MTMR7: variants seen among roughly 807,000 people sequenced by gnomAD.
MTMR7 encodes the protein phosphatidylinositol-3-phosphate phosphatase MTMR7.
A neutral mutation model predicts 81.2 loss-of-function variants in MTMR7; 76 were observed. That is an observed-to-expected ratio of 0.94 (90% CI 0.78 to 1.13). The LOEUF (loss-of-function observed/expected upper bound fraction) is 1.13, where lower values mean the gene tolerates loss of function less well. Among genes scored for constraint, MTMR7 ranks in the 50% most tolerant of loss-of-function variants. MTMR7 has a pLI of 0.00. For missense variants in MTMR7, 1,044 were observed against 820.0 expected (o/e 1.27, Z -3.34); for synonymous variants, 372 against 289.8 (o/e 1.28, Z -2.88).
Position 17,299,950 on chromosome 8 carries a change from C to G in MTMR7, c.1895G>C (p.Cys632Ser), listed in dbSNP as rs763915529. 11 of 1,614,052 alleles carry G rather than the reference C, an allele frequency of 6.8e-6. No homozygotes were observed. The highest frequency in any genetic ancestry group is 1.6e-4 in the Middle Eastern group (1 of 6,084). The change falls in exon 14 of 14, where the codon TGT (cysteine) becomes TCT (serine). Residue 632 changes from cysteine (C) to serine (S), a missense_variant. Transcript: ENST00000180173. The stretch of plus-strand genomic sequence containing the variant: ...ATGCTCACCACCACTTGGAGACCGA[C>G]AGCTCAAATCCTCCACCCCGGACTC... ...DQESGVEDLS[C>S]RSPSGGEHAP...
At chr8:17,381,834 A>T (rs2150572666) in intron 1 of MTMR7, among the ~76,000 whole-genome samples, 1 of 152,326 alleles carries the variant, frequency 6.6e-6, no homozygotes, top group Middle Eastern at 3.4e-3. Flanking sequence ...ACATTTTCTA[A>T]CTCTACCAAC....
chr8:17,320,638 C>T (rs548028678), intron 7 of MTMR7, among the ~76,000 whole-genome samples: 12 of 152,216 alleles, frequency 7.9e-5, no homozygotes, highest in South Asian at 2.1e-4. Flanking sequence ...GAAGACAGCA[C>T]AATCTGATGC....
Position 17,388,863 on chromosome 8 carries a change from C to T in MTMR7, c.25-15623G>A, listed in dbSNP as rs1821022091. ...TCCAGCTCATTTACACATTCCCATG[C>T]CTCACTCCTCGGCTTCGAAGACCCC... On this transcript the variant is annotated intron_variant, in intron 1 of 13. Transcript: ENST00000180173. Among the ~76,000 whole-genome samples the T allele has an allele frequency of 3.3e-5, 5 of 152,338 alleles. No homozygotes were observed. In the South Asian group the frequency reaches 1.0e-3, roughly 32 times the overall value.
At chr8:17,410,418 A>G (rs1821705971) in intron 1 of MTMR7, among the ~76,000 whole-genome samples, 1 of 122,782 alleles carries the variant, frequency 8.1e-6, no homozygotes, top group Admixed American at 1.0e-4. Context: ...CTTTTCATTT[A>G]ATTAAGCAGC....
At chr8:17,320,998 C>CTTT (rs34124458) in intron 7 of MTMR7, among the ~76,000 whole-genome samples, 3 of 151,430 alleles carry the variant, frequency 2.0e-5, no homozygotes, top group Non-Finnish European at 4.4e-5. Context: ...CTCTTGCAGT[C>CTTT]TTTTTTTTTA....
intron 1 of MTMR7, among the ~76,000 whole-genome samples, chr8:17,407,078 A>G (rs1466954217): frequency 6.6e-6 from 1 of 152,174 alleles, no homozygotes; most frequent in African/African-American, 2.4e-5. Flanking sequence ...AAAAATCACA[A>G]AATTGCATAC....
At chr8:17,302,414 A>G in intron 12 of MTMR7, 134 bp from the exon 13 acceptor site, 1 of 941,736 alleles carries the variant, frequency 1.1e-6, no homozygotes. Flanking sequence ...CAAAAAAGCC[A>G]CTACTTAAGG....
intron 8 of MTMR7, chr8:17,311,859 C>G: frequency 8.4e-6 from 5 of 593,926 alleles, no homozygotes; most frequent in Non-Finnish European, 1.2e-5. Context: ...AGCCACCACT[C>G]AAGTCACCTC....
At chr8:17,334,843 G>A (rs937691064) in intron 6 of MTMR7, among the ~76,000 whole-genome samples, 10 of 152,174 alleles carry the variant, frequency 6.6e-5, no homozygotes, top group African/African-American at 2.4e-4. Context: ...GGGGATCAGG[G>A]GTAACGTTTT....
At chr8:17,317,708 C>A (rs367587239) in intron 7 of MTMR7, among the ~76,000 whole-genome samples, 2 of 152,190 alleles carry the variant, frequency 1.3e-5, no homozygotes, top group South Asian at 2.1e-4. Flanking sequence ...TTCAGAGATA[C>A]CTGATGGCTC....
Position 17,391,562 on chromosome 8 carries a change from A to AG in MTMR7, c.25-18323dup, listed in dbSNP as rs1440548830. ...CAAGTGAAAGGATATATGCATCAAT[A>AG]GGGTCTTTAAATGTATCCGTTTAGC... On this transcript the variant is annotated intron_variant, in intron 1 of 13. Coordinates refer to ENST00000180173, the MANE Select transcript of MTMR7 (RefSeq NM_004686.5). 2.6e-5 allele frequency among the ~76,000 whole-genome samples: 4 copies of AG among 152,182 alleles called. No individual in the cohort carries two copies. The East Asian group carries it at 7.7e-4, about 29-fold the overall frequency.
intron 8 of MTMR7, 170 bp from the exon 9 acceptor site, chr8:17,311,806 C>G (rs1420138817): frequency 6.0e-6 from 6 of 998,166 alleles, no homozygotes; most frequent in Non-Finnish European, 5.9e-6. Context: ...CCAGAGTGGC[C>G]TGGTGCTGGC....
chr8:17,387,112 C>G (rs1163393734), intron 1 of MTMR7, among the ~76,000 whole-genome samples: 1 of 152,238 alleles, frequency 6.6e-6, no homozygotes, highest in African/African-American at 2.4e-5. Context: ...AGTCACCAGT[C>G]TCATATGATA....
intron 4 of MTMR7, among the ~76,000 whole-genome samples, chr8:17,353,668 G>C (rs1418328811): frequency 6.6e-6 from 1 of 152,162 alleles, no homozygotes; most frequent in Non-Finnish European, 1.5e-5. Flanking sequence ...AAGTTCAGAG[G>C]AATGGAAAAT....
Position 17,353,779 on chromosome 8 carries a change from C to T in MTMR7, c.469-4698G>A, listed in dbSNP as rs79305677. Reference sequence around the variant, plus strand: ...CATTTTTTAAAATGAATAAGGAAACCGATTTTCTTTGTGCTCCACTAAATT... The same window carrying T: ...CATTTTTTAAAATGAATAAGGAAACTGATTTTCTTTGTGCTCCACTAAATT... On this transcript the variant is annotated intron_variant, in intron 4 of 13. Coordinates refer to ENST00000180173, the MANE Select transcript of MTMR7 (RefSeq NM_004686.5). Among the ~76,000 whole-genome samples the T allele has an allele frequency of 0.027, 4,134 of 152,218 alleles. 469 individuals are homozygous for T. The East Asian group carries it at 0.32, about 12-fold the overall frequency.
intron 11 of MTMR7, 112 bp downstream of exon 11, chr8:17,305,645 A>T: frequency 2.4e-6 from 2 of 827,822 alleles, no homozygotes; most frequent in Non-Finnish European, 3.8e-6. Flanking sequence ...CTGTCAGTAT[A>T]GGTATGTGAC....
At position 17,299,072 on chromosome 8, in the gene MTMR7, G is replaced by A. The variant is rs991973400; in HGVS notation, c.*790C>T. The A allele has an allele frequency of 6.6e-6, 1 of 152,168 alleles. No individual in the cohort carries two copies. The highest frequency in any genetic ancestry group is 2.4e-5 in the African/African-American group (1 of 41,444). 9.4% of individuals were successfully genotyped at this position (152,168 alleles called of 1,614,324 possible). A position where few individuals can be genotyped will look rare whatever the true frequency, so the allele number is the denominator to read the frequency against. Reference sequence around the variant, plus strand: ...GCTGGCCCACACTGTCGGTAGTGTAGTCTCTAGAACAGTAATAAAAGGTTA... The same window carrying A: ...GCTGGCCCACACTGTCGGTAGTGTAATCTCTAGAACAGTAATAAAAGGTTA... On this transcript the variant is annotated 3_prime_UTR_variant, in exon 14 of 14. Coordinates refer to ENST00000180173, the MANE Select transcript of MTMR7 (RefSeq NM_004686.5).
Position 17,413,328 on chromosome 8 carries a change from G to A in MTMR7, c.-36C>T, listed in dbSNP as rs72607374. Reference sequence around the variant, plus strand: ...CGTCTGCAGGGTCCCGGGCGGGCGCGGCCTCACGCACCTGCGCGCCTCTGC... The same window carrying A: ...CGTCTGCAGGGTCCCGGGCGGGCGCAGCCTCACGCACCTGCGCGCCTCTGC... On this transcript the variant is annotated 5_prime_UTR_variant, in exon 1 of 14. Transcript: ENST00000180173. The A allele has an allele frequency of 2.0e-6, 3 of 1,516,550 alleles. No homozygotes were observed. The highest frequency in any genetic ancestry group is 2.8e-5 in the East Asian group (1 of 35,780). The allele number at this position is 1,516,550 out of a possible 1,614,324, so 93.9% of individuals were successfully genotyped here.
intron 7 of MTMR7, among the ~76,000 whole-genome samples, chr8:17,315,462 G>A (rs535696614): frequency 3.2e-4 from 49 of 152,214 alleles, no homozygotes; most frequent in African/African-American, 1.1e-3. Flanking sequence ...ACCGTACAGT[G>A]GACTTTGAGT....
Sources: gnomAD v4.1 joint callset for allele counts (sites outside exome capture counted in the v4.1 genomes callset) on GRCh38, gnomAD v4.1.1 for gene constraint, MANE v1.5 for transcripts, NCBI Gene and HGNC (gene_info 2026-07-23, HGNC 2026-07-21) for gene names.